DDHD1: variants seen among roughly 807,000 people sequenced by gnomAD.
DDHD1 encodes the protein DDHD domain containing 1, also known as phospholipase DDHD1.
In DDHD1, 49 loss-of-function variants were observed where a neutral mutation model predicts 96.4. The observed-to-expected ratio is 0.51, with a 90% CI of 0.40 to 0.64. The LOEUF (loss-of-function observed/expected upper bound fraction) is 0.64, where lower values mean the gene tolerates loss of function less well. Among genes scored for constraint, DDHD1 ranks in the 30% least tolerant of loss-of-function variants. The pLI, the probability that DDHD1 is intolerant of heterozygous loss-of-function variation, is 0.00. For missense variants in DDHD1, 1,106 were observed against 1,161.2 expected (o/e 0.95, Z 0.69); for synonymous variants, 442 against 446.5 (o/e 0.99, Z 0.13).
At chr14:53,110,678 T>G (rs1888035647) in intron 1 of DDHD1, among the ~76,000 whole-genome samples, 1 of 152,160 alleles carries the variant, frequency 6.6e-6, no homozygotes, top group Non-Finnish European at 1.5e-5. Flanking sequence ...ACTCAAAAGA[T>G]AAGAGTAACT....
At chr14:53,128,096 T>C (rs1889589338) in intron 1 of DDHD1, among the ~76,000 whole-genome samples, 1 of 152,194 alleles carries the variant, frequency 6.6e-6, no homozygotes, top group Non-Finnish European at 1.5e-5. Context: ...TCTCTCCTCC[T>C]ACCATGTGAA....
chr14:53,127,940 C>T (rs1889573879), intron 1 of DDHD1, among the ~76,000 whole-genome samples: 1 of 152,214 alleles, frequency 6.6e-6, no homozygotes, highest in Non-Finnish European at 1.5e-5. Flanking sequence ...AACTGTAATT[C>T]AAATTGTAAT....
rs556058321 is a variant in DDHD1 at position 53,075,884 on chromosome 14, T to A, written c.1290-2037A>T. Among the ~76,000 whole-genome samples, 67 of 152,294 alleles carry A rather than the reference T, an allele frequency of 4.4e-4. 2 individuals carry two copies. In the South Asian group the frequency reaches 0.014, roughly 32 times the overall value. ...AAGCCTGGATAGCAGCACATCTTTT[T>A]TACAGCATGGCTTACAGAATATTTT... On this transcript the variant is annotated intron_variant, in intron 4 of 12. Transcript: ENST00000673822.
chr14:53,103,946 T>TTA, intron 1 of DDHD1, 90 bp from the exon 2 acceptor site: 2 of 1,199,478 alleles, frequency 1.7e-6, no homozygotes, highest in Non-Finnish European at 2.3e-6. Flanking sequence ...ATTTTGCTAC[T>TTA]GCTGTCACAA....
intron 4 of DDHD1, among the ~76,000 whole-genome samples, chr14:53,076,263 T>C (rs1424927563): frequency 6.6e-6 from 1 of 152,146 alleles, no homozygotes; most frequent in African/African-American, 2.4e-5. Context: ...AATATCAACA[T>C]TCCAGAAGTT....
rs765369615 is a variant in DDHD1, at chr14:53,039,733, G to C, written c.*7035C>G. On this transcript the variant is annotated 3_prime_UTR_variant, in exon 13 of 13. Transcript: ENST00000673822. ...GTAGGCAGTGGAGAAGCAGGCAGGA[G>C]AGTCAGGTTGGGCAGGCTGTGGGGA... 2 of 152,556 alleles carry C rather than the reference G, an allele frequency of 1.3e-5. No homozygotes were observed. The highest frequency in any genetic ancestry group is 2.4e-5 in the African/African-American group (1 of 41,430). The allele number at this position is 152,556 out of a possible 1,614,324, so 9.5% of individuals were successfully genotyped here.
chr14:53,037,297 G>T lies in DDHD1; in HGVS notation c.*9471C>A, dbSNP rs544266655. ...ATAAACCCATATGCTGGGTTGAATGGTAGATCTGTTTTAAGTTATTTGAGA... is the reference window on the plus strand; with the variant it reads ...ATAAACCCATATGCTGGGTTGAATGTTAGATCTGTTTTAAGTTATTTGAGA... On this transcript the variant is annotated 3_prime_UTR_variant, in exon 13 of 13. Transcript: ENST00000673822. 6.6e-6 allele frequency: 1 copy of T among 152,230 alleles called. No homozygotes were observed. The highest frequency in any genetic ancestry group is 2.1e-4 in the South Asian group (1 of 4,824). 9.4% of individuals were successfully genotyped at this position (152,230 alleles called of 1,614,324 possible).
rs982856837 is a variant in DDHD1 at position 53,062,995 on chromosome 14, T to C, written c.1714A>G (p.Met572Val). 5 of 1,612,674 alleles carry C rather than the reference T, an allele frequency of 3.1e-6. No homozygotes were observed. The highest frequency in any genetic ancestry group is 4.2e-6 in the Non-Finnish European group (5 of 1,179,236). Residue 572 changes from methionine (M) to valine (V), a missense_variant, in exon 7 of 13, where the codon ATG becomes GTG. Transcript: ENST00000673822. ...KEEELPDERW[M>V]SYEERHLLDE... is the part of the protein sequence containing the mutation. ...AGAAGATGTCGTTCTTCATAGCTCA[T>C]CCATCGTTCATCAGGCAACTCTTCT...
intron 11 of DDHD1, chr14:53,052,688 TTTTAATAG>T (rs1329147444): frequency 1.3e-5 from 2 of 152,034 alleles, no homozygotes; most frequent in African/African-American, 4.8e-5. Context: ...AATAGTCCAA[TTTTAATAG>T]TTATATCTAT....
At chr14:53,095,462 A>G (rs1450030446) in intron 2 of DDHD1, among the ~76,000 whole-genome samples, 1 of 152,188 alleles carries the variant, frequency 6.6e-6, no homozygotes, top group Non-Finnish European at 1.5e-5. Flanking sequence ...CCACTAGGAT[A>G]CAAGTACATT....
At chr14:53,097,337 ACTATAT>A (rs1396173282) in intron 2 of DDHD1, among the ~76,000 whole-genome samples, 3 of 152,156 alleles carry the variant, frequency 2.0e-5, no homozygotes, top group East Asian at 3.8e-4. Context: ...AGACACAATA[ACTATAT>A]CTATATGTAA....
At position 53,101,474 on chromosome 14, in the gene DDHD1, T is replaced by C. The variant is rs543009218; in HGVS notation, c.1012+2209A>G. On this transcript the variant is annotated intron_variant, in intron 2 of 12. Coordinates refer to ENST00000673822, the MANE Select transcript of DDHD1 (RefSeq NM_001160148.2). ...TGCCACAGTACATTATAAAAACAAATTTTCTTCTAATGAACCTCAAAGAAT... is the reference window on the plus strand; with the variant it reads ...TGCCACAGTACATTATAAAAACAAACTTTCTTCTAATGAACCTCAAAGAAT... Among the ~76,000 whole-genome samples, 131 of 152,174 alleles carry C rather than the reference T, an allele frequency of 8.6e-4. 3 individuals carry two copies. Among genetic ancestry groups the C allele is most frequent in the Middle Eastern group, 6.8e-3 (2 of 292 alleles).
chr14:53,066,254 T>A (rs1336793006), intron 6 of DDHD1, among the ~76,000 whole-genome samples: 1 of 152,216 alleles, frequency 6.6e-6, no homozygotes, highest in East Asian at 1.9e-4. Context: ...CAGGTTCAAG[T>A]GCTTCTCCTG....
intron 1 of DDHD1, among the ~76,000 whole-genome samples, chr14:53,112,260 T>C (rs977834817): frequency 1.3e-5 from 2 of 151,888 alleles, no homozygotes; most frequent in African/African-American, 4.8e-5. Flanking sequence ...CTACTAAAAA[T>C]ACAAAAATTA....
In DDHD1 at chr14:53,153,318, G is replaced by A. The variant is rs1469290027; in HGVS notation, c.-220C>T. The A allele has an allele frequency of 5.2e-6, 2 of 382,832 alleles. No individual in the cohort carries two copies. The highest frequency in any genetic ancestry group is 4.2e-5 in the African/African-American group (2 of 47,482). The allele number at this position is 382,832 out of a possible 1,614,324, so 23.7% of individuals were successfully genotyped here. On this transcript the variant is annotated 5_prime_UTR_variant, in exon 1 of 13. Transcript: ENST00000673822. ...CCCCATTGTCACGCAGCCCGACGTA[G>A]GCGGTGCTTCGGCCCCCGCCCCGCC... is the stretch of plus-strand genomic sequence containing the variant.
intron 7 of DDHD1, 39 bp downstream of exon 7, chr14:53,062,904 A>G (rs1181166112): frequency 1.6e-5 from 25 of 1,596,018 alleles, no homozygotes; most frequent in Non-Finnish European, 1.7e-5. Flanking sequence ...AATTCCATAA[A>G]GACATTTAAA....
Position 53,091,835 on chromosome 14 carries a change from A to G in DDHD1, c.1239T>C (p.His413=), listed in dbSNP as rs1038984158. Residue 413 remains histidine, a synonymous_variant, in exon 4 of 13, where the codon CAT becomes CAC. Coordinates refer to ENST00000673822, the MANE Select transcript of DDHD1 (RefSeq NM_001160148.2). ...CTTGGTCCATTTTCTGCCCAATGCC[A>G]TGCACAACAAATACAATATGGGTAG... ...SQTTHIVFVV[H]GIGQKMDQGR... 1.9e-6 allele frequency: 3 copies of G among 1,613,744 alleles called. No homozygotes were observed. The Admixed American group carries it at 5.0e-5, about 27-fold the overall frequency.
At chr14:53,148,295 T>G (rs763833573) in intron 1 of DDHD1, among the ~76,000 whole-genome samples, 14 of 151,986 alleles carry the variant, frequency 9.2e-5, no homozygotes, top group Non-Finnish European at 1.8e-4. Context: ...CACACATCAC[T>G]GCCATTGGAA....
At chr14:53,072,741 A>G in intron 5 of DDHD1, 38 bp from the exon 6 acceptor site, 1 of 1,452,908 alleles carries the variant, frequency 6.9e-7, no homozygotes, top group Non-Finnish European at 9.6e-7. Context: ...TAACTTATAG[A>G]AAGTCTCTGT....
Sources: gnomAD v4.1 joint callset for allele counts (sites outside exome capture counted in the v4.1 genomes callset) on GRCh38, gnomAD v4.1.1 for gene constraint, MANE v1.5 for transcripts, NCBI Gene and HGNC (gene_info 2026-07-23, HGNC 2026-07-21) for gene names.